The following RUSC2 variants were observed in gnomAD, a reference collection of about 807,000 sequenced individuals.
RUSC2 encodes the protein AP-4 complex accessory subunit RUSC2.
RUSC2 carries 34 observed loss-of-function variants against 122.2 expected under a neutral mutation model. The observed-to-expected ratio is 0.28, with a 90% CI of 0.21 to 0.37. RUSC2 has a LOEUF of 0.37. Among genes scored for constraint, RUSC2 ranks in the 10% least tolerant of loss-of-function variants. The pLI is 1.00. For synonymous variants in RUSC2, 784 were observed against 790.0 expected (o/e 0.99, Z 0.13); for missense variants, 1,747 against 1,952.4 (o/e 0.89, Z 1.98).
Position 35,534,419 on chromosome 9 carries a change from TACACACACAC to T in RUSC2, c.-92-11981_-92-11972del, listed in dbSNP as rs55836338. Among the ~76,000 whole-genome samples the T allele has an allele frequency of 2.3e-4, 32 of 141,020 alleles. 1 individual carries two copies. The highest frequency in any genetic ancestry group is 9.4e-4 in the South Asian group (4 of 4,254). 92.5% of individuals were successfully genotyped at this position (141,020 alleles called of 152,430 possible). On this transcript the variant is annotated intron_variant, in intron 1 of 11. Coordinates refer to ENST00000361226, the MANE Select transcript of RUSC2 (RefSeq NM_014806.5). ...GTGAGACCCCCATCTCTACAAATAATACACACACACACACACACACACACACACACACACA... is the reference window on the plus strand; with the variant it reads ...GTGAGACCCCCATCTCTACAAATAATACACACACACACACACACACACACA...
chr9:35,546,658 GC>G lies in RUSC2; in HGVS notation c.140del (p.Pro47HisfsTer13). 1.3e-6 allele frequency: 2 copies of G among 1,570,756 alleles called. No individual in the cohort carries two copies. Among genetic ancestry groups the G allele is most frequent in the South Asian group, 1.2e-5 (1 of 82,904 alleles). On this transcript the variant is annotated frameshift_variant, in exon 2 of 12. Transcript: ENST00000361226. LOFTEE classifies it high-confidence loss of function. The surrounding 1 kb of genome is among the most constrained non-coding windows in gnomAD (Gnocchi z 4.3). Reference protein sequence around the residue: ...GGGSTRPNPFCPPELGITQPD... With the variant: ...GGGSTRPNPFXPPELGITQPD... ...GGGAGCACAAGACCTAATCCCTTCT[GC>G]CCACCTGAGCTGGGCATCACCCAGC...
intron 1 of RUSC2, among the ~76,000 whole-genome samples, chr9:35,517,512 G>C (rs1388996407): frequency 1.2e-5 from 1 of 83,650 alleles, no homozygotes; most frequent in African/African-American, 4.6e-5. Context: ...CCCACAAACA[G>C]GGGAGAATTA....
chr9:35,505,138 A>AT (rs1269304925), intron 1 of RUSC2, among the ~76,000 whole-genome samples: 1 of 152,206 alleles, frequency 6.6e-6, no homozygotes, highest in African/African-American at 2.4e-5. Flanking sequence ...ATATGCCTAT[A>AT]TGCCTTTTGT....
In RUSC2 at chr9:35,560,382, G is replaced by A; in HGVS notation, c.3742G>A (p.Glu1248Lys). 1 of 1,613,938 alleles carries A rather than the reference G, an allele frequency of 6.2e-7. No individual in the cohort carries two copies. Among genetic ancestry groups the A allele is most frequent in the Non-Finnish European group, 8.5e-7 (1 of 1,179,930 alleles). Residue 1248 changes from glutamate (E) to lysine (K), a missense_variant, in exon 10 of 12, where the codon GAA (glutamate) becomes AAA (lysine). By Grantham distance (56) the Glu-to-Lys change is moderately conservative. Coordinates refer to ENST00000361226, the MANE Select transcript of RUSC2 (RefSeq NM_014806.5). Reference sequence around the variant, plus strand: ...AGAGGAAGAGGAAGAAGAGGAGACAGAAGAGGTGGCAGAGGCAGCCGGGGG... The same window carrying A: ...AGAGGAAGAGGAAGAAGAGGAGACAAAAGAGGTGGCAGAGGCAGCCGGGGG... ...GEEEEEEEET[E>K]EVAEAAGGSG... is the part of the protein sequence containing the mutation.
chr9:35,524,694 G>A (rs1821286917), intron 1 of RUSC2, among the ~76,000 whole-genome samples: 1 of 151,890 alleles, frequency 6.6e-6, no homozygotes, highest in Admixed American at 6.6e-5. Context: ...ATCCCAGGCC[G>A]GGTGCAGTGG....
chr9:35,561,341 A>AC lies in RUSC2; in HGVS notation c.4514dup (p.Thr1506AsnfsTer25), dbSNP rs1368357439. ...GGTGCCCCTGGCCTACGTGACATTG[A>AC]CCCCAACTCCAAGTCCAACCCCTGG... On this transcript the variant is annotated frameshift_variant, in exon 12 of 12. Transcript: ENST00000361226. LOFTEE classifies it high-confidence loss of function. 5.6e-6 allele frequency: 9 copies of AC among 1,613,792 alleles called. No homozygotes were observed. Among genetic ancestry groups the AC allele is most frequent in the Admixed American group, 5.0e-5 (3 of 59,970 alleles).
At chr9:35,498,233 T>C (rs920125596) in intron 1 of RUSC2, among the ~76,000 whole-genome samples, 3 of 152,040 alleles carry the variant, frequency 2.0e-5, no homozygotes, top group Admixed American at 6.6e-5. Context: ...ATTCCAGGAC[T>C]GTTAAATAGA....
intron 1 of RUSC2, among the ~76,000 whole-genome samples, chr9:35,508,026 A>G (rs143081829): frequency 6.6e-6 from 1 of 152,294 alleles, no homozygotes; most frequent in East Asian, 1.9e-4. Context: ...TACTCTTTGC[A>G]ACAAATGTTT....
chr9:35,491,153 A>G (rs1041495099), intron 1 of RUSC2, among the ~76,000 whole-genome samples: 1 of 151,244 alleles, frequency 6.6e-6, no homozygotes, highest in Admixed American at 6.6e-5. Flanking sequence ...ACCTGTTTTT[A>G]TTTATTCCTA....
chr9:35,521,245 A>G (rs1207212849), intron 1 of RUSC2, among the ~76,000 whole-genome samples: 6 of 152,218 alleles, frequency 3.9e-5, no homozygotes, highest in Non-Finnish European at 4.4e-5. Context: ...GCTGCTTCCA[A>G]ACAGGTGCTA....
intron 1 of RUSC2, among the ~76,000 whole-genome samples, chr9:35,491,661 T>G (rs1050725529): frequency 1.3e-5 from 2 of 152,182 alleles, no homozygotes; most frequent in Non-Finnish European, 2.9e-5. Flanking sequence ...TTATAAAGTC[T>G]TGGATCAGGC....
At chr9:35,523,237 T>C (rs1821248568) in intron 1 of RUSC2, among the ~76,000 whole-genome samples, 1 of 152,226 alleles carries the variant, frequency 6.6e-6, no homozygotes, top group African/African-American at 2.4e-5. Flanking sequence ...TATAAAATTA[T>C]AATGTTTTTT....
At chr9:35,528,496 A>G (rs1821362031) in intron 1 of RUSC2, among the ~76,000 whole-genome samples, 1 of 149,806 alleles carries the variant, frequency 6.7e-6, no homozygotes, top group East Asian at 2.0e-4. Context: ...AATTCTCTTT[A>G]TGCGATTTGA....
intron 1 of RUSC2, among the ~76,000 whole-genome samples, chr9:35,529,929 T>C (rs1458202564): frequency 6.6e-6 from 1 of 152,162 alleles, no homozygotes; most frequent in Non-Finnish European, 1.5e-5. Context: ...TAGCCTGCTG[T>C]GCTTGCCATC....
chr9:35,519,295 G>A (rs1475327473), intron 1 of RUSC2, among the ~76,000 whole-genome samples: 1 of 152,190 alleles, frequency 6.6e-6, no homozygotes, highest in Non-Finnish European at 1.5e-5. Context: ...ATTGGCATCA[G>A]AGTTGCTATT....
chr9:35,548,242 C>T lies in RUSC2; in HGVS notation c.1721C>T (p.Ser574Leu), dbSNP rs767394239. The T allele has an allele frequency of 1.1e-5, 17 of 1,613,624 alleles. No individual in the cohort carries two copies. Among genetic ancestry groups the T allele is most frequent in the Non-Finnish European group, 1.4e-5 (17 of 1,179,984 alleles). The change falls in exon 2 of 12, where the codon TCA becomes TTA. Residue 574 changes from serine to leucine, a missense_variant. Ser to Leu is a moderately radical substitution (Grantham distance 145, BLOSUM62 -2). Transcript: ENST00000361226. This position sits in a 1 kb window ranked among gnomAD's most constrained non-coding sequence, Gnocchi z 4.5. ...VSVGDSSQEF[S>L]PIQEAQQDRG... is the part of the protein sequence containing the mutation. ...GTTGGGGACTCCTCCCAGGAGTTCT[C>T]ACCCATCCAAGAAGCCCAGCAAGAT...
chr9:35,494,422 C>T (rs956577261), intron 1 of RUSC2, among the ~76,000 whole-genome samples: 12 of 152,134 alleles, frequency 7.9e-5, no homozygotes, highest in African/African-American at 2.4e-4. Flanking sequence ...TGAGCTCATG[C>T]CCCTGCACTC....
At chr9:35,519,518 C>G (rs1174026748) in intron 1 of RUSC2, among the ~76,000 whole-genome samples, 17 of 152,180 alleles carry the variant, frequency 1.1e-4, no homozygotes. Context: ...CTTGAGGCTC[C>G]CAGGGCCAGC....
At position 35,548,866 on chromosome 9, in the gene RUSC2, C is replaced by T; in HGVS notation, c.2014+331C>T. ...CCAACATAATGAAACCCCAGCTCTA[C>T]TAAAATAAAAAATAAACTAGCCAGG... On this transcript the variant is annotated intron_variant, in intron 2 of 11. Coordinates refer to ENST00000361226, the MANE Select transcript of RUSC2 (RefSeq NM_014806.5). This position sits in a 1 kb window ranked among gnomAD's most constrained non-coding sequence, Gnocchi z 4.5. 1 of 590,216 alleles carries T rather than the reference C, an allele frequency of 1.7e-6. No homozygotes were observed. The highest frequency in any genetic ancestry group is 2.1e-6 in the Non-Finnish European group (1 of 469,024). 36.6% of individuals were successfully genotyped at this position (590,216 alleles called of 1,614,324 possible). A position where few individuals can be genotyped will look rare whatever the true frequency, so the allele number is the denominator to read the frequency against.
Sources: allele counts gnomAD v4.1 joint callset (sites outside exome capture counted in the v4.1 genomes callset), GRCh38; gene constraint gnomAD v4.1.1; non-coding constraint Gnocchi (gnomAD v3.1); transcripts MANE v1.5; gene names NCBI Gene and HGNC (gene_info 2026-07-23, HGNC 2026-07-21).